The following COMP variants were observed in gnomAD, a reference collection of about 807,000 sequenced individuals.
The protein encoded by COMP is cartilage oligomeric matrix protein (pseudoachondroplasia, epiphyseal dysplasia 1, multiple).
Under a neutral mutation model 95.8 loss-of-function variants are expected in COMP, and 79 were observed. The observed-to-expected ratio is 0.82, with a 90% CI of 0.69 to 0.99. The LOEUF (loss-of-function observed/expected upper bound fraction) is 0.99. Among genes scored for constraint, COMP ranks in the 50% least tolerant of loss-of-function variants. The pLI, the probability that COMP is intolerant of heterozygous loss-of-function variation, is 0.00. For missense variants in COMP, 906 were observed against 1,076.1 expected (o/e 0.84, Z 2.21); for synonymous variants, 438 against 433.9 (o/e 1.01, Z -0.12).
rs1367326456 is a variant in COMP at position 18,788,403 on chromosome 19, C to T, written c.867+7G>A. On this transcript the variant is annotated splice_region_variant and intron_variant, in intron 8 of 18. Transcript: ENST00000222271. The surrounding 1 kb of genome is among the most constrained non-coding windows in gnomAD (Gnocchi z 4.7). ...GCCCAAGCCCGCCCCGCTCCGCCCC[C>T]ACCCACCTTACGGCACTGGCGCTCC... The T allele has an allele frequency of 6.2e-7, 1 of 1,607,732 alleles. No homozygotes were observed. The highest frequency in any genetic ancestry group is 1.7e-5 in the Admixed American group (1 of 59,788).
chr19:18,784,454 G>T lies in COMP; in HGVS notation c.1915-91C>A. 1.3e-6 allele frequency: 2 copies of T among 1,487,388 alleles called. No individual in the cohort carries two copies. Among genetic ancestry groups the T allele is most frequent in the African/African-American group, 1.4e-5 (1 of 72,290 alleles). The allele number at this position is 1,487,388 out of a possible 1,614,324, so 92.1% of individuals were successfully genotyped here. A position where few individuals can be genotyped will look rare whatever the true frequency, so the allele number is the denominator to read the frequency against. On this transcript the variant is annotated intron_variant, in intron 16 of 18. Coordinates refer to ENST00000222271, the MANE Select transcript of COMP (RefSeq NM_000095.3). The surrounding 1 kb of genome is among the most constrained non-coding windows in gnomAD (Gnocchi z 4.9). ...CTGGAGAGACAGTTGGGAGCAGCAG[G>T]TGGTGGGCGGCCAGGGGGATCCGGA...
Position 18,789,273 on chromosome 19 carries a change from G to A in COMP, c.415C>T (p.Arg139Ter). ...NECNAHPCFP[R>*]VRCINTSPGF... ...GGGCTGGTGTTGATACAGCGGACTC[G>A]GGGGAAGCAGGGGTGGGCGTTGCAC... The change falls in exon 5 of 19, where the codon CGA (arginine) becomes TGA (stop). Residue 139 changes from arginine to a stop codon, truncating the protein, a stop_gained. Transcript: ENST00000222271. LOFTEE classifies it high-confidence loss of function. The surrounding 1 kb of genome is among the most constrained non-coding windows in gnomAD (Gnocchi z 6.1). 6.7e-7 allele frequency: 1 copy of A among 1,501,274 alleles called. No homozygotes were observed. The allele number at this position is 1,501,274 out of a possible 1,614,324, so 93.0% of individuals were successfully genotyped here.
In COMP at chr19:18,791,188, T is replaced by C. The variant is rs201675844; in HGVS notation, c.79+3A>G. On this transcript the variant is annotated splice_donor_region_variant and intron_variant, in intron 1 of 18. Coordinates refer to ENST00000222271, the MANE Select transcript of COMP (RefSeq NM_000095.3). Reference sequence around the variant, plus strand: ...GCACGGCGCGGGTGCTAACGCGGCTTACCCAACGGGCTCTGGCCCTGTCCG... The same window carrying C: ...GCACGGCGCGGGTGCTAACGCGGCTCACCCAACGGGCTCTGGCCCTGTCCG... The C allele has an allele frequency of 1.9e-6, 3 of 1,581,298 alleles. No homozygotes were observed.
At chr19:18,790,226 C>T (rs1339903394) in intron 3 of COMP, 112 bp from the exon 4 acceptor site, 6 of 828,632 alleles carry the variant, frequency 7.2e-6, no homozygotes, top group Non-Finnish European at 1.1e-5. Flanking sequence ...CCCCACCCCC[C>T]GCCCCGGGGC....
Position 18,789,348 on chromosome 19 carries a change from G to A in COMP, c.391-51C>T, listed in dbSNP as rs778119195. The A allele has an allele frequency of 4.2e-6, 6 of 1,427,550 alleles. No individual in the cohort carries two copies. The East Asian group carries it at 7.7e-5, about 18-fold the overall frequency. The allele number at this position is 1,427,550 out of a possible 1,614,324, so 88.4% of individuals were successfully genotyped here. A position where few individuals can be genotyped will look rare whatever the true frequency, so the allele number is the denominator to read the frequency against. The stretch of plus-strand genomic sequence containing the variant: ...TCAGAGGGCTTCGAGCTGGGCCCTG[G>A]GGGCCGCACCTCGTAGTGTCTCGGA... On this transcript the variant is annotated intron_variant, in intron 4 of 18. Coordinates refer to ENST00000222271, the MANE Select transcript of COMP (RefSeq NM_000095.3). The surrounding 1 kb of genome is among the most constrained non-coding windows in gnomAD (Gnocchi z 6.1).
intron 15 of COMP, 123 bp from the exon 16 acceptor site, chr19:18,785,215 T>A: frequency 1.9e-6 from 2 of 1,026,572 alleles, no homozygotes; most frequent in Non-Finnish European, 2.9e-6. Context: ...CCATTCCCAC[T>A]CGCAGAGCCC....
intron 11 of COMP, 52 bp from the exon 12 acceptor site, chr19:18,786,343 GC>G: frequency 6.2e-7 from 1 of 1,612,248 alleles, no homozygotes; most frequent in Non-Finnish European, 8.5e-7. Flanking sequence ...AAATCAGAAA[GC>G]CTCCCACCCA....
chr19:18,791,259 T>TCGGGGACCATGGCGGTGG lies in COMP; in HGVS notation c.-8_10dup (p.Pro3_Asp4insAlaThrAlaMetValPro), dbSNP rs2055211670. ...GGTGAGCAGAAGAACGCAGGCGGTG[T>TCGGGGACCATGGCGGTGG]CGGGGACCATGGCGGTGGCGGGGAG... On this transcript the variant is annotated inframe_insertion, in exon 1 of 19. Transcript: ENST00000222271. The TCGGGGACCATGGCGGTGG allele has an allele frequency of 6.3e-7, 1 of 1,593,448 alleles. No individual in the cohort carries two copies. Among genetic ancestry groups the TCGGGGACCATGGCGGTGG allele is most frequent in the Admixed American group, 1.8e-5 (1 of 56,908 alleles).
chr19:18,788,062 C>A lies in COMP; in HGVS notation c.975+150G>T, dbSNP rs998054321. ...GGGATTACAGGCGTGCACCACCACG[C>A]CCCGCTAATTTTTGTATTTTTAGTA... On this transcript the variant is annotated intron_variant, in intron 9 of 18. Transcript: ENST00000222271. This position sits in a 1 kb window ranked among gnomAD's most constrained non-coding sequence, Gnocchi z 4.7. 1.4e-6 allele frequency: 1 copy of A among 708,244 alleles called. No homozygotes were observed. 43.9% of individuals were successfully genotyped at this position (708,244 alleles called of 1,614,324 possible).
Position 18,787,594 on chromosome 19 carries a change from C to G in COMP, c.1032G>C (p.Trp344Cys). 2 of 1,614,126 alleles carry G rather than the reference C, an allele frequency of 1.2e-6. No individual in the cohort carries two copies. Among genetic ancestry groups the G allele is most frequent in the Non-Finnish European group, 1.7e-6 (2 of 1,180,046 alleles). ...ACCGGCAGTTGTCGCACGCATCGCC[C>G]CACTTGTCCTCGTCCGTGTTGCGCT... is the stretch of plus-strand genomic sequence containing the variant. ...PDQRNTDEDK[W>C]GDACDNCRSQ... The change falls in exon 10 of 19, where the codon TGG becomes TGC. Residue 344 changes from tryptophan (W) to cysteine (C), a missense_variant. Transcript: ENST00000222271.
Position 18,789,831 on chromosome 19 carries a change from AGGCTCTTCGGGGC to A in COMP, c.390+98_390+110del. 1 of 1,331,710 alleles carries A rather than the reference AGGCTCTTCGGGGC, an allele frequency of 7.5e-7. No homozygotes were observed. The highest frequency in any genetic ancestry group is 1.0e-6 in the Non-Finnish European group (1 of 959,938). 82.5% of individuals were successfully genotyped at this position (1,331,710 alleles called of 1,614,324 possible). On this transcript the variant is annotated intron_variant, in intron 4 of 18. Transcript: ENST00000222271. The surrounding 1 kb of genome is among the most constrained non-coding windows in gnomAD (Gnocchi z 6.1). ...CTGGCCGTGCGCCCCCGGAGGTGAG[AGGCTCTTCGGGGC>A]GAACACTCCCAGTGGAGGAAGGGGT...
At chr19:18,785,447 C>T (rs1321511389) in intron 15 of COMP, 51 bp downstream of exon 15, 1 of 1,610,064 alleles carries the variant, frequency 6.2e-7, no homozygotes, top group Non-Finnish European at 8.5e-7. Context: ...TCTCTGGCCC[C>T]TCTCCCTGAG....
At position 18,790,608 on chromosome 19, in the gene COMP, C is replaced by T. The variant is rs2055205730; in HGVS notation, c.171G>A (p.Arg57=). Reference sequence around the variant, plus strand: ...CCGTGTTTTTCAGGAACGTGATCTCCCTGACCTGCAGGGGTGGGATGGAAT... The same window carrying T: ...CCGTGTTTTTCAGGAACGTGATCTCTCTGACCTGCAGGGGTGGGATGGAAT... ...DVRELLRQQV[R]EITFLKNTVM... The change falls in exon 3 of 19, where the codon AGG becomes AGA. Residue 57 remains arginine (R), a synonymous_variant. Transcript: ENST00000222271. The T allele has an allele frequency of 6.2e-7, 1 of 1,613,820 alleles. No individual in the cohort carries two copies. Among genetic ancestry groups the T allele is most frequent in the African/African-American group, 1.3e-5 (1 of 74,890 alleles).
chr19:18,787,606 G>C lies in COMP; in HGVS notation c.1020C>G (p.Asp340Glu), dbSNP rs952860493. 4.3e-6 allele frequency: 7 copies of C among 1,613,894 alleles called. No individual in the cohort carries two copies. The highest frequency in any genetic ancestry group is 2.7e-5 in the African/African-American group (2 of 74,896). ...CGCACGCATCGCCCCACTTGTCCTC[G>C]TCCGTGTTGCGCTGGTCTGGGTTCC... ...LVRNPDQRNTDEDKWGDACDN... is the reference protein window; with the variant it reads ...LVRNPDQRNTEEDKWGDACDN... The change falls in exon 10 of 19, where the codon GAC becomes GAG. Residue 340 changes from aspartate to glutamate, a missense_variant. Coordinates refer to ENST00000222271, the MANE Select transcript of COMP (RefSeq NM_000095.3).
At chr19:18,783,427 CAG>C (rs1476649702) in intron 17 of COMP, among the ~76,000 whole-genome samples, 1 of 152,142 alleles carries the variant, frequency 6.6e-6, no homozygotes. Flanking sequence ...GGCTGAGAAA[CAG>C]GGACTGGGTG....
Position 18,785,706 on chromosome 19 carries a change from C to A in COMP, c.1635G>T (p.Ala545=). The stretch of plus-strand genomic sequence containing the variant: ...GCACCACCCAGTTGGGGTCAATCTG[C>A]GCGTCACCCTCCGGGTCCAGCACGA... ...QTVVLDPEGD[A]QIDPNWVVLN... is the part of the protein sequence containing the mutation. The change falls in exon 14 of 19, where the codon GCG becomes GCT. Residue 545 remains alanine (A), a synonymous_variant. Coordinates refer to ENST00000222271, the MANE Select transcript of COMP (RefSeq NM_000095.3). 6.2e-7 allele frequency: 1 copy of A among 1,613,454 alleles called. No individual in the cohort carries two copies. Among genetic ancestry groups the A allele is most frequent in the Non-Finnish European group, 8.5e-7 (1 of 1,180,028 alleles).
At chr19:18,785,383 A>G in intron 15 of COMP, 115 bp downstream of exon 15, 2 of 983,646 alleles carry the variant, frequency 2.0e-6, no homozygotes, top group East Asian at 3.6e-5. Context: ...GCCCTTCCTG[A>G]GCCCGGGCCA....
rs150008764 is a variant in COMP at position 18,790,128 on chromosome 19, G to C, written c.218-14C>G. The C allele has an allele frequency of 1.5e-5, 23 of 1,520,720 alleles. No homozygotes were observed. Among genetic ancestry groups the C allele is most frequent in the East Asian group, 1.5e-4 (6 of 40,482 alleles). The allele number at this position is 1,520,720 out of a possible 1,614,324, so 94.2% of individuals were successfully genotyped here. A position where few individuals can be genotyped will look rare whatever the true frequency, so the allele number is the denominator to read the frequency against. On this transcript the variant is annotated splice_polypyrimidine_tract_variant and intron_variant, in intron 3 of 18. Coordinates refer to ENST00000222271, the MANE Select transcript of COMP (RefSeq NM_000095.3). ...ACTGCTGCATCCCTGCGGGGGGGAG[G>C]GGGGAGAAGCGGCGGGGCTGATCGG... is the stretch of plus-strand genomic sequence containing the variant.
At position 18,788,305 on chromosome 19, in the gene COMP, A is replaced by G. The variant is rs768614635; in HGVS notation, c.882T>C (p.Thr294=). Residue 294 remains threonine (T), a synonymous_variant, in exon 9 of 19, where the codon ACT becomes ACC. Coordinates refer to ENST00000222271, the MANE Select transcript of COMP (RefSeq NM_000095.3). This position sits in a 1 kb window ranked among gnomAD's most constrained non-coding sequence, Gnocchi z 4.7. ...ERQCRKDNCV[T]VPNSGQEDVD... ...CATCCTCCTGCCCTGAGTTGGGCAC[A>G]GTCACGCAGTTGTCCTGGGGGCGGG... 6.2e-6 allele frequency: 10 copies of G among 1,611,922 alleles called. No homozygotes were observed. The highest frequency in any genetic ancestry group is 8.5e-6 in the Non-Finnish European group (10 of 1,179,820).
Sources: allele counts gnomAD v4.1 joint callset (sites outside exome capture counted in the v4.1 genomes callset), GRCh38; gene constraint gnomAD v4.1.1; non-coding constraint Gnocchi (gnomAD v3.1); transcripts MANE v1.5; gene names NCBI Gene and HGNC (gene_info 2026-07-23, HGNC 2026-07-21).